PLXNA4: variants seen among roughly 807,000 people sequenced by gnomAD.
PLXNA4 encodes plexin A4.
Under a neutral mutation model 191.8 loss-of-function variants are expected in PLXNA4, and 44 were observed. The ratio of observed to expected loss-of-function variants is 0.23; its 90% CI spans 0.18 to 0.29. PLXNA4 has a LOEUF of 0.29. PLXNA4 is among the 10% of genes least tolerant of loss of function. The pLI is 1.00. For missense variants in PLXNA4, 1,800 were observed against 2,488.8 expected, an observed-to-expected ratio of 0.72 and a Z score of 5.89; for synonymous variants, 1,082 against 1,009.5, an observed-to-expected ratio of 1.07 and a Z score of -1.36.
chr7:132,562,489 CCTCTTT>C (rs1386647552), intron 1 of PLXNA4, among the ~76,000 whole-genome samples: 2 of 130,884 alleles, frequency 1.5e-5, no homozygotes, highest in Non-Finnish European at 3.2e-5. Context: ...TCCTTCTCTT[CCTCTTT>C]CTCCTCCTCC....
At chr7:132,190,668 TG>T (rs1797056466) in intron 14 of PLXNA4, among the ~76,000 whole-genome samples, 1 of 151,922 alleles carries the variant, frequency 6.6e-6, no homozygotes, top group African/African-American at 2.4e-5. Context: ...GCCTCAGGGG[TG>T]GGGGCCTGGC....
chr7:132,339,351 G>A (rs1456651711), intron 3 of PLXNA4, among the ~76,000 whole-genome samples: 2 of 152,056 alleles, frequency 1.3e-5, no homozygotes, highest in Non-Finnish European at 2.9e-5. Context: ...TACCACACCA[G>A]GCCAGTAAAG....
At chr7:132,420,726 G>A (rs190062241) in intron 3 of PLXNA4, among the ~76,000 whole-genome samples, 1 of 152,288 alleles carries the variant, frequency 6.6e-6, no homozygotes, top group East Asian at 1.9e-4. Context: ...CATGTTTTGT[G>A]GGAGGGACCC....
At chr7:132,234,753 T>C (rs913507987) in intron 5 of PLXNA4, among the ~76,000 whole-genome samples, 2 of 152,044 alleles carry the variant, frequency 1.3e-5, no homozygotes, top group Non-Finnish European at 2.9e-5. Context: ...TCTGATCTAG[T>C]CTGGGACTCA....
chr7:132,524,885 A>G (rs1038567021), intron 1 of PLXNA4, among the ~76,000 whole-genome samples: 3 of 152,286 alleles, frequency 2.0e-5, no homozygotes, highest in East Asian at 1.9e-4. Flanking sequence ...TTCAAAAAAA[A>G]CATATTAACA....
chr7:132,466,156 A>G (rs1456502717), intron 3 of PLXNA4, among the ~76,000 whole-genome samples: 2 of 152,166 alleles, frequency 1.3e-5, no homozygotes, highest in Non-Finnish European at 2.9e-5. Flanking sequence ...GCTCTGAAAG[A>G]TCTTAGAGCA....
chr7:132,139,092 G>C (rs541015168), intron 30 of PLXNA4, among the ~76,000 whole-genome samples: 15 of 152,352 alleles, frequency 9.8e-5, no homozygotes, highest in Admixed American at 8.5e-4. Flanking sequence ...AGCAGGAGGT[G>C]AGAGCCTGTC....
intron 3 of PLXNA4, among the ~76,000 whole-genome samples, chr7:132,360,897 T>C (rs1285135435): frequency 6.6e-6 from 1 of 152,220 alleles, no homozygotes; most frequent in African/African-American, 2.4e-5. Flanking sequence ...ATCTGCTGAA[T>C]GCACATTTTA....
chr7:132,234,731 A>G (rs1798641226), intron 5 of PLXNA4, among the ~76,000 whole-genome samples: 1 of 151,960 alleles, frequency 6.6e-6, no homozygotes, highest in Non-Finnish European at 1.5e-5. Context: ...GGAAAATTCC[A>G]ATGTACTAGT....
At chr7:132,166,012 C>A (rs1203826868) in intron 22 of PLXNA4, among the ~76,000 whole-genome samples, 1 of 152,138 alleles carries the variant, frequency 6.6e-6, no homozygotes. Context: ...TCCTGGCCAA[C>A]ATGGTGAAAC....
At chr7:132,323,215 G>T (rs1230150021) in intron 3 of PLXNA4, among the ~76,000 whole-genome samples, 3 of 152,142 alleles carry the variant, frequency 2.0e-5, no homozygotes, top group Admixed American at 6.5e-5. Context: ...CATGTGCATT[G>T]CTGGGTGCCA....
At chr7:132,400,059 C>A (rs1442689979) in intron 3 of PLXNA4, among the ~76,000 whole-genome samples, 1 of 152,080 alleles carries the variant, frequency 6.6e-6, no homozygotes, top group African/African-American at 2.4e-5. Context: ...TCCCTTACCC[C>A]ACGCCAGTCC....
intron 2 of PLXNA4, among the ~76,000 whole-genome samples, chr7:132,644,878 TC>T (rs1391239952): frequency 2.0e-5 from 3 of 152,166 alleles, no homozygotes; most frequent in African/African-American, 7.2e-5. Flanking sequence ...CCTCTCTCTC[TC>T]ATACTTCCCA....
intron 2 of PLXNA4, among the ~76,000 whole-genome samples, chr7:132,599,131 T>G (rs1447453862): frequency 6.6e-6 from 1 of 152,214 alleles, no homozygotes; most frequent in Non-Finnish European, 1.5e-5. Context: ...ACCACCCCAG[T>G]TTTTGCTACC....
intron 2 of PLXNA4, among the ~76,000 whole-genome samples, chr7:132,615,927 A>ATCTCGATCTCTCTCTCTC (rs1803145053): frequency 1.2e-5 from 1 of 83,674 alleles, no homozygotes; most frequent in Admixed American, 1.3e-4. Context: ...CAGATAAAGG[A>ATCTCGATCTCTCTCTCTC]TCTCTCTCTC....
At position 132,507,520 on chromosome 7, in the gene PLXNA4, G is replaced by T. The variant is rs1472984734; in HGVS notation, c.1174C>A (p.Pro392Thr). Residue 392 changes from proline to threonine, a missense_variant, in exon 2 of 32, where the codon CCC (proline) becomes ACC (threonine). Pro to Thr is a conservative substitution (Grantham distance 38). Transcript: ENST00000321063. ...DLAWLKVKDIPCSSALLTIDD... is the reference protein window; with the variant it reads ...DLAWLKVKDITCSSALLTIDD... ...CCTGTACTCACCGCACTGCTGCAGGGGATGTCCTTCACCTTGAGCCAGGCC... is the reference window on the plus strand; with the variant it reads ...CCTGTACTCACCGCACTGCTGCAGGTGATGTCCTTCACCTTGAGCCAGGCC... 6.2e-7 allele frequency: 1 copy of T among 1,611,812 alleles called. No individual in the cohort carries two copies. The highest frequency in any genetic ancestry group is 8.5e-7 in the Non-Finnish European group (1 of 1,179,130).
chr7:132,199,875 G>A lies in PLXNA4; in HGVS notation c.2587-1239C>T, dbSNP rs143233694. ...AGGGTTGGTGTGATTGTGAGTGAGC[G>A]TGTGCAGGGGTGTGAGCCTGTGCAT... On this transcript the variant is annotated intron_variant, in intron 12 of 31. Transcript: ENST00000321063. 5.3e-5 allele frequency among the ~76,000 whole-genome samples: 8 copies of A among 152,330 alleles called. No homozygotes were observed. In the East Asian group the frequency reaches 1.4e-3, roughly 26 times the overall value.
intron 3 of PLXNA4, among the ~76,000 whole-genome samples, chr7:132,377,422 G>GA (rs10596289): frequency 0.082 from 7,109 of 86,458 alleles, 309 homozygotes; most frequent in Admixed American, 0.23. Flanking sequence ...AAATGAAAAA[G>GA]AAAAAAAAAA....
intron 1 of PLXNA4, among the ~76,000 whole-genome samples, chr7:132,532,733 A>G (rs1358749465): frequency 6.6e-6 from 1 of 152,198 alleles, no homozygotes; most frequent in African/African-American, 2.4e-5. Flanking sequence ...AAAGACCTCC[A>G]TCATCTGACT....
Sources: allele counts gnomAD v4.1 joint callset (sites outside exome capture counted in the v4.1 genomes callset), GRCh38; gene constraint gnomAD v4.1.1; transcripts MANE v1.5; gene names NCBI Gene and HGNC (gene_info 2026-07-23, HGNC 2026-07-21).